Variants in ATP7B observed in about 807,000 individuals in gnomAD.
The protein encoded by ATP7B is copper-transporting ATPase 2.
Under a neutral mutation model 118.9 loss-of-function variants are expected in ATP7B, and 113 were observed. The observed-to-expected ratio is 0.95, with a 90% CI of 0.82 to 1.11. ATP7B has a LOEUF of 1.11. Among genes scored for constraint, ATP7B ranks in the 50% most tolerant of loss-of-function variants. The pLI, the probability that ATP7B is intolerant of heterozygous loss-of-function variation, is 0.00. For missense variants in ATP7B, 1,867 were observed against 1,871.4 expected, an observed-to-expected ratio of 1.00 and a Z score of 0.04; for synonymous variants, 777 against 727.4, an observed-to-expected ratio of 1.07 and a Z score of -1.10.
chr13:51,962,351 G>C (rs879754743), intron 5 of ATP7B, among the ~76,000 whole-genome samples: 1 of 152,164 alleles, frequency 6.6e-6, no homozygotes, highest in Non-Finnish European at 1.5e-5. Context: ...GGCAGAACTC[G>C]GCTCCTTCAG....
intron 1 of ATP7B, among the ~76,000 whole-genome samples, chr13:51,996,794 T>G (rs1327265864): frequency 6.6e-6 from 1 of 152,202 alleles, no homozygotes; most frequent in Non-Finnish European, 1.5e-5. Context: ...TCCTGCTGCT[T>G]CTTACCACAC....
At chr13:51,992,131 T>TAA (rs532259736) in intron 1 of ATP7B, among the ~76,000 whole-genome samples, 111 of 125,506 alleles carry the variant, frequency 8.8e-4, no homozygotes, top group South Asian at 2.0e-3. Context: ...GTAAGAAATG[T>TAA]AAAAAAAAAA....
intron 19 of ATP7B, among the ~76,000 whole-genome samples, chr13:51,935,994 AAGGAGTGGG>A (rs1383279151): frequency 6.6e-6 from 1 of 152,228 alleles, no homozygotes; most frequent in Non-Finnish European, 1.5e-5. Flanking sequence ...GACAAACCAC[AAGGAGTGGG>A]AGGAGCGGGA....
At chr13:51,961,777 G>A in intron 6 of ATP7B, 60 bp downstream of exon 6, 1 of 1,527,030 alleles carries the variant, frequency 6.5e-7, no homozygotes. Context: ...GCAGAGTTGG[G>A]CCCAGGTAGA....
At chr13:51,944,008 C>G in intron 14 of ATP7B, 101 bp downstream of exon 14, 1 of 1,495,340 alleles carries the variant, frequency 6.7e-7, no homozygotes, top group Non-Finnish European at 9.1e-7. Context: ...TTTTCCAGAC[C>G]ACACAGAGAA....
chr13:51,973,833 G>T, intron 2 of ATP7B, 102 bp downstream of exon 2: 2 of 1,532,802 alleles, frequency 1.3e-6, no homozygotes, highest in Non-Finnish European at 1.8e-6. Flanking sequence ...CTGTTGACAT[G>T]GGAGGCAGGG....
chr13:51,996,633 GC>G lies in ATP7B; in HGVS notation c.51+14653del, dbSNP rs1445414752. On this transcript the variant is annotated intron_variant, in intron 1 of 20. Coordinates refer to ENST00000242839, the MANE Select transcript of ATP7B (RefSeq NM_000053.4). ...CACATGCCCAAGGTCACTGAAGGCT[GC>G]CTCCTCATAGGTTGCCCACAGTGAC... Among the ~76,000 whole-genome samples the G allele has an allele frequency of 2.6e-5, 4 of 152,202 alleles. No homozygotes were observed. In the East Asian group the frequency reaches 7.7e-4, roughly 29 times the overall value.
chr13:51,989,845 ACT>A (rs1952827428), intron 1 of ATP7B, among the ~76,000 whole-genome samples: 1 of 151,904 alleles, frequency 6.6e-6, no homozygotes, highest in Non-Finnish European at 1.5e-5. Context: ...CTCTAATAAC[ACT>A]CTGTATTTCA....
chr13:51,957,728 G>A (rs770159831), intron 8 of ATP7B, 121 bp from the exon 9 acceptor site: 33 of 909,546 alleles, frequency 3.6e-5, no homozygotes, highest in Non-Finnish European at 4.6e-5. Context: ...CGCACGGCAC[G>A]ATAAAAGGCT....
chr13:51,990,392 T>C (rs186166721), intron 1 of ATP7B, among the ~76,000 whole-genome samples: 19 of 152,280 alleles, frequency 1.2e-4, no homozygotes, highest in Admixed American at 2.6e-4. Context: ...CTACATAAAA[T>C]ATAGTCCATC....
rs1051818498 is a variant in ATP7B at position 51,979,865 on chromosome 13, T to C, written c.52-4697A>G. Among the ~76,000 whole-genome samples the C allele has an allele frequency of 2.0e-5, 3 of 152,352 alleles. No homozygotes were observed. The South Asian group carries it at 6.2e-4, about 32-fold the overall frequency. ...TAGTACTGAAAGCAATTTCTTATTA[T>C]CAAACACTACTCAGAGGCCCCCCTT... On this transcript the variant is annotated intron_variant, in intron 1 of 20. Coordinates refer to ENST00000242839, the MANE Select transcript of ATP7B (RefSeq NM_000053.4).
chr13:52,012,125 T>G (rs1324289649), upstream of ATP7B: 13 of 555,926 alleles, frequency 2.3e-5, 1 homozygote, highest in Non-Finnish European at 1.9e-5. Context: ...GGGCTTCTAG[T>G]GGGGGAGGTG....
At chr13:51,948,393 G>A (rs2139141643) in intron 12 of ATP7B, among the ~76,000 whole-genome samples, 1 of 152,192 alleles carries the variant, frequency 6.6e-6, no homozygotes, top group Admixed American at 6.5e-5. Flanking sequence ...GAGTCTACAG[G>A]TGCATCACCA....
rs372436901 is a variant in ATP7B, at chr13:51,960,300, T to G, written c.1969A>C (p.Ser657Arg). 24 of 1,613,568 alleles carry G rather than the reference T, an allele frequency of 1.5e-5. No individual in the cohort carries two copies. The highest frequency in any genetic ancestry group is 2.0e-5 in the Non-Finnish European group (24 of 1,179,854). ...IKQWKKSFLC[S>R]LVFGIPVMAL... is the part of the protein sequence containing the mutation. ...ATGACAGGGATGCCAAACACCAGGC[T>G]GCACAGGAAAGACTTCTTCCACCTG... Residue 657 changes from serine (S) to arginine (R), a missense_variant, in exon 7 of 21, where the codon AGC becomes CGC. Physicochemically the swap from Ser to Arg is moderately radical, Grantham distance 110. Coordinates refer to ENST00000242839, the MANE Select transcript of ATP7B (RefSeq NM_000053.4).
At chr13:51,940,915 TGAAGA>T (rs999096032) in intron 16 of ATP7B, among the ~76,000 whole-genome samples, 161 bp downstream of exon 16, 2 of 152,098 alleles carry the variant, frequency 1.3e-5, no homozygotes, top group African/African-American at 4.8e-5. Flanking sequence ...GTGGAAAGAA[TGAAGA>T]GAAAAGACAA....
intron 1 of ATP7B, among the ~76,000 whole-genome samples, chr13:52,008,334 C>G (rs1248054513): frequency 1.3e-5 from 2 of 152,098 alleles, no homozygotes; most frequent in Non-Finnish European, 2.9e-5. Flanking sequence ...GTGAGACTAC[C>G]TCTCAAAAAA....
rs1233061724 is a variant in ATP7B, at chr13:51,944,134, A to G, written c.3218T>C (p.Val1073Ala). ...CTCTTTACAGTATTTGGTGACTGCC[A>G]CGCCCAAGGGGTGTTCACTGCTGGC... is the stretch of plus-strand genomic sequence containing the variant. ...AEASSEHPLGVAVTKYCKEEL... is the reference protein window; with the variant it reads ...AEASSEHPLGAAVTKYCKEEL... The change falls in exon 14 of 21, where the codon GTG becomes GCG. Residue 1073 changes from valine (V) to alanine (A), a missense_variant. Val to Ala is a moderately conservative substitution (Grantham distance 64). Coordinates refer to ENST00000242839, the MANE Select transcript of ATP7B (RefSeq NM_000053.4). 6.2e-7 allele frequency: 1 copy of G among 1,614,100 alleles called. No homozygotes were observed. The highest frequency in any genetic ancestry group is 8.5e-7 in the Non-Finnish European group (1 of 1,180,016).
At chr13:51,945,519 G>A (rs1474442172) in intron 13 of ATP7B, among the ~76,000 whole-genome samples, 2 of 152,126 alleles carry the variant, frequency 1.3e-5, no homozygotes, top group Non-Finnish European at 2.9e-5. Context: ...ATGAACGTTC[G>A]TATTCGCTTC....
intron 1 of ATP7B, among the ~76,000 whole-genome samples, chr13:51,996,861 T>C (rs530846773): frequency 1.3e-5 from 2 of 152,346 alleles, no homozygotes; most frequent in Admixed American, 1.3e-4. Flanking sequence ...TCCTCCAAAA[T>C]GTGTCTGGGT....
Sources: allele counts gnomAD v4.1 joint callset (sites outside exome capture counted in the v4.1 genomes callset), GRCh38; gene constraint gnomAD v4.1.1; transcripts MANE v1.5; gene names NCBI Gene and HGNC (gene_info 2026-07-23, HGNC 2026-07-21).